PIK3C2A: variants seen among roughly 807,000 people sequenced by gnomAD.
The protein encoded by PIK3C2A is phosphatidylinositol 4-phosphate 3-kinase C2 domain-containing subunit alpha.
In PIK3C2A, 97 loss-of-function variants were observed where a neutral mutation model predicts 204.5. The observed-to-expected ratio is 0.47, with a 90% CI of 0.40 to 0.56. PIK3C2A has a LOEUF of 0.56. Ranked by LOEUF, PIK3C2A falls within the 20% of genes least tolerant of loss-of-function variation. The probability of loss-of-function intolerance (pLI) is 0.00; values close to 1 mark genes in which losing one functional copy is unlikely to be tolerated. For missense variants in PIK3C2A, 1,735 were observed against 1,969.2 expected, an observed-to-expected ratio of 0.88 and a Z score of 2.25; for synonymous variants, 653 against 664.4, an observed-to-expected ratio of 0.98 and a Z score of 0.26.
At chr11:17,188,125 G>A (rs1409387914) in intron 1 of PIK3C2A, among the ~76,000 whole-genome samples, 1 of 152,024 alleles carries the variant, frequency 6.6e-6, no homozygotes, top group Admixed American at 6.6e-5. Context: ...ATCACTTGAG[G>A]TCAGGAGTTC....
chr11:17,098,315 A>G (rs1209621003), intron 26 of PIK3C2A, among the ~76,000 whole-genome samples: 3 of 152,216 alleles, frequency 2.0e-5, no homozygotes, highest in Admixed American at 6.5e-5. Flanking sequence ...CATAAACAGT[A>G]GAGCCCTAAT....
At chr11:17,201,297 G>C (rs1852364139) in intron 1 of PIK3C2A, among the ~76,000 whole-genome samples, 1 of 151,612 alleles carries the variant, frequency 6.6e-6, no homozygotes, top group South Asian at 2.1e-4. Flanking sequence ...AGGAGGCCGA[G>C]GCAGGCAGAT....
intron 13 of PIK3C2A, among the ~76,000 whole-genome samples, chr11:17,128,484 C>G (rs1486027221): frequency 6.6e-6 from 1 of 152,066 alleles, no homozygotes; most frequent in Non-Finnish European, 1.5e-5. Context: ...AGTGATCTGC[C>G]TACCTTGGAC....
At chr11:17,157,481 A>AAG (rs1850636388) in intron 2 of PIK3C2A, among the ~76,000 whole-genome samples, 1 of 150,908 alleles carries the variant, frequency 6.6e-6, no homozygotes, top group African/African-American at 2.4e-5. Context: ...AAAAAAAAAA[A>AAG]TTCAAAGAGA....
At chr11:17,094,705 A>G (rs940227000) in intron 27 of PIK3C2A, among the ~76,000 whole-genome samples, 2 of 152,204 alleles carry the variant, frequency 1.3e-5, no homozygotes, top group Non-Finnish European at 2.9e-5. Context: ...TGGGCAACAG[A>G]GCGAGACTCC....
chr11:17,180,015 T>G (rs761544661), intron 1 of PIK3C2A, among the ~76,000 whole-genome samples: 1 of 152,206 alleles, frequency 6.6e-6, no homozygotes, highest in Non-Finnish European at 1.5e-5. Flanking sequence ...AGAAGCCATA[T>G]GTAAAAGATT....
intron 1 of PIK3C2A, among the ~76,000 whole-genome samples, chr11:17,170,393 A>T (rs1851118990): frequency 6.6e-6 from 1 of 152,232 alleles, no homozygotes. Context: ...CATGGATTTG[A>T]ATAATAAGAC....
At chr11:17,171,461 A>G (rs191125667) in intron 1 of PIK3C2A, among the ~76,000 whole-genome samples, 36 of 152,278 alleles carry the variant, frequency 2.4e-4, no homozygotes, top group African/African-American at 6.7e-4. Flanking sequence ...TCAAATTAGT[A>G]TAATACAAAT....
At chr11:17,199,859 T>C (rs972642817) in intron 1 of PIK3C2A, among the ~76,000 whole-genome samples, 2 of 146,542 alleles carry the variant, frequency 1.4e-5, no homozygotes, top group African/African-American at 5.1e-5. Context: ...GAGGCAGAGG[T>C]TGCAGTGAGC....
At chr11:17,102,252 C>T (rs1035292410) in intron 24 of PIK3C2A, among the ~76,000 whole-genome samples, 13 of 151,950 alleles carry the variant, frequency 8.6e-5, no homozygotes, top group African/African-American at 1.7e-4. Context: ...CTGGCTAACA[C>T]GGTGAAACCC....
intron 1 of PIK3C2A, among the ~76,000 whole-genome samples, chr11:17,181,477 C>T (rs1851549321): frequency 6.6e-6 from 1 of 151,572 alleles, no homozygotes; most frequent in African/African-American, 2.4e-5. Context: ...CACACATATA[C>T]ACACACGTAA....
At chr11:17,171,217 A>G (rs763209025) in intron 1 of PIK3C2A, among the ~76,000 whole-genome samples, 1 of 152,242 alleles carries the variant, frequency 6.6e-6, no homozygotes, top group African/African-American at 2.4e-5. Flanking sequence ...CACAAACTAA[A>G]TGAAATAATA....
rs184167740 is a variant in PIK3C2A, at chr11:17,132,615, C to T, written c.2109-577G>A. ...AAGTGCTGGGATTACAGGCGTGAGC[C>T]ACCGCGCCCGGCCAATTTACTTTAA... On this transcript the variant is annotated intron_variant, in intron 11 of 32. Transcript: ENST00000691414. 3.8e-3 allele frequency among the ~76,000 whole-genome samples: 580 copies of T among 151,966 alleles called. 2 individuals carry two copies. Among genetic ancestry groups the T allele is most frequent in the African/African-American group, 0.013 (528 of 41,250 alleles).
chr11:17,108,273 A>G (rs1246657425), intron 22 of PIK3C2A, among the ~76,000 whole-genome samples: 1 of 152,242 alleles, frequency 6.6e-6, no homozygotes, highest in East Asian at 1.9e-4. Context: ...CAAAGTTAAT[A>G]GCTAACGTCC....
At chr11:17,180,985 G>C (rs1043200130) in intron 1 of PIK3C2A, among the ~76,000 whole-genome samples, 1 of 152,120 alleles carries the variant, frequency 6.6e-6, no homozygotes, top group African/African-American at 2.4e-5. Flanking sequence ...CTCAGGAACA[G>C]CCAAATGGAA....
chr11:17,099,757 C>G (rs1347392343), intron 26 of PIK3C2A, 103 bp downstream of exon 26: 6 of 587,954 alleles, frequency 1.0e-5, no homozygotes, highest in South Asian at 2.4e-5. Context: ...GAATTTGTTC[C>G]TATAAATTAG....
At chr11:17,137,308 T>C (rs1849904488) in intron 8 of PIK3C2A, among the ~76,000 whole-genome samples, 1 of 152,198 alleles carries the variant, frequency 6.6e-6, no homozygotes, top group South Asian at 2.1e-4. Flanking sequence ...TTCTAGCTCC[T>C]CATTTTTGCT....
intron 1 of PIK3C2A, chr11:17,193,840 G>C (rs1244297917): frequency 9.4e-6 from 1 of 106,538 alleles, no homozygotes; most frequent in Non-Finnish European, 1.6e-5. Context: ...GCGAGACTCT[G>C]TCTCAAAAAA....
At chr11:17,161,697 A>G (rs1247238198) in intron 2 of PIK3C2A, among the ~76,000 whole-genome samples, 1 of 152,226 alleles carries the variant, frequency 6.6e-6, no homozygotes, top group African/African-American at 2.4e-5. Context: ...AAGCTTGCTG[A>G]GTGAGAAGAA....
Sources: allele counts gnomAD v4.1 joint callset (sites outside exome capture counted in the v4.1 genomes callset), GRCh38; gene constraint gnomAD v4.1.1; transcripts MANE v1.5; gene names NCBI Gene and HGNC (gene_info 2026-07-23, HGNC 2026-07-21).